AGBL1: variants seen among roughly 807,000 people sequenced by gnomAD.
The protein encoded by AGBL1 is cytosolic carboxypeptidase 4.
Under a neutral mutation model 118.9 loss-of-function variants are expected in AGBL1, and 130 were observed. That is an observed-to-expected ratio of 1.09 (90% confidence interval 0.95 to 1.26). The LOEUF (loss-of-function observed/expected upper bound fraction) is 1.26. AGBL1 is among the 50% of genes most tolerant of loss of function. The pLI, the probability that AGBL1 is intolerant of heterozygous loss-of-function variation, is 0.00. For synonymous variants in AGBL1, 555 were observed against 478.9 expected (o/e 1.16, Z -2.08); for missense variants, 1,584 against 1,298.1 (o/e 1.22, Z -3.38).
intron 18 of AGBL1, among the ~76,000 whole-genome samples, chr15:86,407,104 T>G (rs2081540084): frequency 2.0e-5 from 3 of 152,336 alleles, no homozygotes; most frequent in African/African-American, 7.2e-5. Context: ...ACACTACACA[T>G]TATCAACCTT....
chr15:86,938,022 C>T (rs1373316984), intron 23 of AGBL1, among the ~76,000 whole-genome samples: 1 of 152,058 alleles, frequency 6.6e-6, no homozygotes, highest in African/African-American at 2.4e-5. Context: ...AGTTGGTTGC[C>T]CATCAAGTAT....
intron 22 of AGBL1, among the ~76,000 whole-genome samples, chr15:86,876,430 C>G (rs947359989): frequency 6.6e-6 from 1 of 152,072 alleles, no homozygotes; most frequent in Non-Finnish European, 1.5e-5. Flanking sequence ...GCTGACTCCC[C>G]GAGATGTTCA....
chr15:86,299,582 G>A (rs1394679320), intron 17 of AGBL1, among the ~76,000 whole-genome samples: 5 of 152,108 alleles, frequency 3.3e-5, no homozygotes, highest in African/African-American at 1.2e-4. Context: ...AGCTGTTTGG[G>A]AATAGGCTTG....
chr15:86,324,816 T>G (rs1375629591), intron 17 of AGBL1, among the ~76,000 whole-genome samples: 1 of 152,106 alleles, frequency 6.6e-6, no homozygotes, highest in Non-Finnish European at 1.5e-5. Context: ...AGTTTGCCAT[T>G]TGAGAAGGTG....
intron 24 of AGBL1, among the ~76,000 whole-genome samples, chr15:87,025,076 A>G (rs2081711788): frequency 6.6e-6 from 1 of 152,072 alleles, no homozygotes; most frequent in Non-Finnish European, 1.5e-5. Context: ...GAACAAGTCA[A>G]TGATGGCCAC....
At chr15:86,862,827 C>G (rs758470807) in intron 22 of AGBL1, among the ~76,000 whole-genome samples, 1 of 152,140 alleles carries the variant, frequency 6.6e-6, no homozygotes, top group Admixed American at 6.5e-5. Flanking sequence ...TATACATACA[C>G]GAGGACATCT....
intron 5 of AGBL1, among the ~76,000 whole-genome samples, chr15:86,179,194 A>T (rs1359900348): frequency 6.6e-6 from 1 of 152,224 alleles, no homozygotes; most frequent in Non-Finnish European, 1.5e-5. Flanking sequence ...AGACATGGTT[A>T]AGCATTATGA....
At chr15:86,369,271 G>A (rs944422265) in intron 17 of AGBL1, among the ~76,000 whole-genome samples, 2 of 152,176 alleles carry the variant, frequency 1.3e-5, no homozygotes, top group African/African-American at 4.8e-5. Context: ...ACTCGAGATA[G>A]CAATGCCAAT....
chr15:86,159,081 G>C, intron 5 of AGBL1, 55 bp downstream of exon 5: 4 of 1,508,668 alleles, frequency 2.7e-6, no homozygotes, highest in Non-Finnish European at 3.7e-6. Flanking sequence ...GAGAGATGGA[G>C]ATTGCCCTAC....
Position 86,159,000 on chromosome 15 carries a change from C to G in AGBL1, c.462C>G (p.Tyr154Ter). Residue 154 changes from tyrosine to a stop codon, truncating the protein, a stop_gained, in exon 5 of 23, where the codon TAC becomes TAG. Coordinates refer to ENST00000614907, the MANE Select transcript of AGBL1 (RefSeq NM_001386094.1). LOFTEE classifies it high-confidence loss of function. ...TGCTTTTCAAGGTTATTACTCCTTA[C>G]ACCCGAAAGCGCACCCAAGCAATCA... The part of the protein sequence containing the change: ...MELLFKVITP[Y>*]TRKRTQAIRA... The G allele has an allele frequency of 6.2e-7, 1 of 1,613,370 alleles. No homozygotes were observed. Among genetic ancestry groups the G allele is most frequent in the East Asian group, 2.2e-5 (1 of 44,856 alleles).
At chr15:86,079,787 T>C (rs2270634), upstream of AGBL1, 120,541 of 393,324 alleles carry the variant, frequency 0.31, 19,266 homozygotes, top group African/African-American at 0.43. Flanking sequence ...TGGGAGTCGG[T>C]GGGTATTCAC....
intron 18 of AGBL1, among the ~76,000 whole-genome samples, chr15:86,469,872 T>A (rs1181821582): frequency 1.3e-5 from 2 of 152,186 alleles, no homozygotes; most frequent in African/African-American, 4.8e-5. Context: ...CATTTGTATG[T>A]CTTCTTTTGA....
intron 21 of AGBL1, among the ~76,000 whole-genome samples, chr15:86,565,715 C>A (rs1481844083): frequency 2.0e-5 from 3 of 152,208 alleles, no homozygotes; most frequent in East Asian, 3.9e-4. Flanking sequence ...TTTGGCTATG[C>A]CCTGCCTCCA....
intron 17 of AGBL1, among the ~76,000 whole-genome samples, chr15:86,338,922 T>C (rs1282441376): frequency 6.6e-6 from 1 of 152,208 alleles, no homozygotes; most frequent in Non-Finnish European, 1.5e-5. Context: ...GGATGATTAT[T>C]ATCAAGTTGA....
chr15:86,092,719 A>T (rs1254580628), intron 1 of AGBL1, among the ~76,000 whole-genome samples: 1 of 152,086 alleles, frequency 6.6e-6, no homozygotes, highest in Admixed American at 6.6e-5. Context: ...CTGGCATCTG[A>T]CCAGGACCTT....
At chr15:86,628,785 C>T (rs975529518) in intron 21 of AGBL1, among the ~76,000 whole-genome samples, 7 of 151,840 alleles carry the variant, frequency 4.6e-5, no homozygotes, top group African/African-American at 1.5e-4. Context: ...GACAGTGAGA[C>T]TCCATCTCAA....
chr15:86,528,015 C>T (rs1230684946), intron 19 of AGBL1, among the ~76,000 whole-genome samples: 3 of 152,178 alleles, frequency 2.0e-5, no homozygotes, highest in Non-Finnish European at 4.4e-5. Context: ...TCTTCATTCA[C>T]TTGCATCATA....
At chr15:86,223,654 C>T (rs1054922067) in intron 5 of AGBL1, among the ~76,000 whole-genome samples, 1 of 152,110 alleles carries the variant, frequency 6.6e-6, no homozygotes, top group African/African-American at 2.4e-5. Flanking sequence ...TTTAACTGCC[C>T]TATGGTCATT....
intron 7 of AGBL1, among the ~76,000 whole-genome samples, chr15:86,252,435 G>A (rs545105148): frequency 6.6e-6 from 1 of 152,296 alleles, no homozygotes; most frequent in Admixed American, 6.5e-5. Flanking sequence ...CTCCTTCTTT[G>A]TGAAAGATGT....
Sources: gnomAD v4.1 joint callset for allele counts (sites outside exome capture counted in the v4.1 genomes callset) on GRCh38, gnomAD v4.1.1 for gene constraint, MANE v1.5 for transcripts, NCBI Gene and HGNC (gene_info 2026-07-23, HGNC 2026-07-21) for gene names.